LMNA: variants seen among roughly 807,000 people sequenced by gnomAD.
LMNA encodes the protein lamin.
A neutral mutation model predicts 70.4 loss-of-function variants in LMNA; 20 were observed. The observed-to-expected ratio is 0.28, with a 90% CI of 0.20 to 0.41. The LOEUF (loss-of-function observed/expected upper bound fraction) is 0.41. Among genes scored for constraint, LMNA ranks in the 10% least tolerant of loss-of-function variants. The pLI is 1.00. For missense variants in LMNA, 652 were observed against 917.2 expected, an observed-to-expected ratio of 0.71 and a Z score of 3.73; for synonymous variants, 339 against 372.8, an observed-to-expected ratio of 0.91 and a Z score of 1.04.
At chr1:156,122,241 T>C (rs1650238054) in intron 1 of LMNA, among the ~76,000 whole-genome samples, 1 of 152,216 alleles carries the variant, frequency 6.6e-6, no homozygotes, top group South Asian at 2.1e-4. Flanking sequence ...ACTAAATTGC[T>C]GTGTGACCTT....
At chr1:156,086,045 C>A (rs996807329) in intron 2 of LMNA, among the ~76,000 whole-genome samples, 3 of 152,140 alleles carry the variant, frequency 2.0e-5, no homozygotes, top group Non-Finnish European at 4.4e-5. Flanking sequence ...AGGGAGACTC[C>A]GTCTCAAAAA....
At chr1:156,127,509 GTTTTTTTTT>G (rs1170940332) in intron 1 of LMNA, among the ~76,000 whole-genome samples, 15 of 84,492 alleles carry the variant, frequency 1.8e-4, no homozygotes, top group Non-Finnish European at 2.9e-4. Flanking sequence ...CCCCCTTACT[GTTTTTTTTT>G]TTTTTTTTTT....
chr1:156,105,737 A>T (rs1039459395), intron 3 of LMNA, among the ~76,000 whole-genome samples: 1 of 152,202 alleles, frequency 6.6e-6, no homozygotes, highest in African/African-American at 2.4e-5. Context: ...TTGCAAAAAG[A>T]TCATTTTGTA....
intron 3 of LMNA, among the ~76,000 whole-genome samples, chr1:156,104,787 A>G (rs1405633720): frequency 6.6e-6 from 1 of 151,844 alleles, no homozygotes; most frequent in Non-Finnish European, 1.5e-5. Context: ...CCACCTCTAA[A>G]CCTTAGCTCC....
In LMNA at chr1:156,115,723, G is replaced by C. The variant is rs572101143; in HGVS notation, c.356+449G>C. 6.6e-6 allele frequency among the ~76,000 whole-genome samples: 1 copy of C among 152,234 alleles called. No homozygotes were observed. Among genetic ancestry groups the C allele is most frequent in the African/African-American group, 2.4e-5 (1 of 41,462 alleles). ...GCGGGCTTGGCACTGTGCTAGCTTT[G>C]CCCAAGCTGGCTCTGAACACATGAT... On this transcript the variant is annotated intron_variant, in intron 1 of 11. Coordinates refer to ENST00000368300, the MANE Select transcript of LMNA (RefSeq NM_170707.4). The surrounding 1 kb of genome is among the most constrained non-coding windows in gnomAD (Gnocchi z 5.8).
chr1:156,134,375 T>C lies in LMNA; in HGVS notation c.514-28T>C. On this transcript the variant is annotated intron_variant, in intron 2 of 11. Coordinates refer to ENST00000368300, the MANE Select transcript of LMNA (RefSeq NM_170707.4). The surrounding 1 kb of genome is among the most constrained non-coding windows in gnomAD (Gnocchi z 5.3). ...CAGTTCTTGTGTTCTGTGACCCCTT[T>C]TCCTCATCTCTGCCTGCTTCCTCAC... 6.2e-7 allele frequency: 1 copy of C among 1,613,436 alleles called. No homozygotes were observed. The highest frequency in any genetic ancestry group is 8.5e-7 in the Non-Finnish European group (1 of 1,179,746).
At chr1:156,084,451 C>G (rs1015848163) in intron 2 of LMNA, among the ~76,000 whole-genome samples, 14 of 151,524 alleles carry the variant, frequency 9.2e-5, no homozygotes, top group Admixed American at 4.6e-4. Context: ...GAAGTTTGCC[C>G]CCTGGACTGG....
chr1:156,124,049 G>T (rs1650377598), intron 1 of LMNA, among the ~76,000 whole-genome samples: 1 of 152,218 alleles, frequency 6.6e-6, no homozygotes, highest in Non-Finnish European at 1.5e-5. Context: ...GATCTGAGAG[G>T]CCTCAGACCC....
chr1:156,084,769 G>A (rs1306282854), intron 2 of LMNA, among the ~76,000 whole-genome samples: 1 of 152,226 alleles, frequency 6.6e-6, no homozygotes, highest in Non-Finnish European at 1.5e-5. Flanking sequence ...CCAGCTGGCT[G>A]AGCCTTCCTG....
At chr1:156,094,166 A>G (rs1648819096) in intron 3 of LMNA, among the ~76,000 whole-genome samples, 1 of 152,136 alleles carries the variant, frequency 6.6e-6, no homozygotes, top group Non-Finnish European at 1.5e-5. Context: ...ACCTCCTCTC[A>G]GTCACCGCTA....
intron 3 of LMNA, among the ~76,000 whole-genome samples, chr1:156,107,346 G>A (rs1317330855): frequency 1.3e-5 from 2 of 152,184 alleles, no homozygotes; most frequent in African/African-American, 4.8e-5. Flanking sequence ...TCTGTCCAGT[G>A]TGGCTGCCCT....
chr1:156,139,906 G>A lies in LMNA; in HGVS notation c.*800G>A. The A allele has an allele frequency of 7.4e-7, 1 of 1,358,378 alleles. No individual in the cohort carries two copies. Among genetic ancestry groups the A allele is most frequent in the Non-Finnish European group, 9.7e-7 (1 of 1,031,246 alleles). The allele number at this position is 1,358,378 out of a possible 1,614,324, so 84.1% of individuals were successfully genotyped here. On this transcript the variant is annotated 3_prime_UTR_variant, in exon 12 of 12. Transcript: ENST00000368300. ...AAGCCAAGTGGGGTGCTGGGAGGAG[G>A]GAGAGGGAGGTCACTGGAAAGGGGA... is the stretch of plus-strand genomic sequence containing the variant.
intron 3 of LMNA, among the ~76,000 whole-genome samples, chr1:156,104,767 A>G (rs975932712): frequency 6.6e-6 from 1 of 152,270 alleles, no homozygotes; most frequent in African/African-American, 2.4e-5. Flanking sequence ...TCCAACAGGA[A>G]ACACACCTTC....
intron 2 of LMNA, among the ~76,000 whole-genome samples, chr1:156,087,444 T>G (rs1253897458): frequency 6.6e-6 from 1 of 152,084 alleles, no homozygotes; most frequent in African/African-American, 2.4e-5. Flanking sequence ...GGTTTCATCA[T>G]GTTGCCCAGG....
chr1:156,134,884 G>A lies in LMNA; in HGVS notation c.719G>A (p.Arg240Gln), dbSNP rs1651403033. The A allele has an allele frequency of 6.2e-7, 1 of 1,614,192 alleles. No homozygotes were observed. Among genetic ancestry groups the A allele is most frequent in the Non-Finnish European group, 8.5e-7 (1 of 1,180,028 alleles). The change falls in exon 4 of 12, where the codon CGG (arginine) becomes CAG (glutamine). Residue 240 changes from arginine to glutamine, a missense_variant. Physicochemically the swap from Arg to Gln is conservative, Grantham distance 43. Transcript: ENST00000368300. This position sits in a 1 kb window ranked among gnomAD's most constrained non-coding sequence, Gnocchi z 5.3. ...GGGAAGCAGCGTGAGTTTGAGAGCC[G>A]GCTGGCGGATGCGCTGCAGGAACTG... Reference protein sequence around the residue: ...DNGKQREFESRLADALQELRA... With the variant: ...DNGKQREFESQLADALQELRA...
At chr1:156,107,018 C>G (rs1218995319) in intron 3 of LMNA, among the ~76,000 whole-genome samples, 1 of 151,842 alleles carries the variant, frequency 6.6e-6, no homozygotes, top group Non-Finnish European at 1.5e-5. Context: ...AGGCAGAAAC[C>G]TGGGGTTTGG....
At chr1:156,139,039 G>A (rs1223274732) in intron 11 of LMNA, 41 bp from the exon 12 acceptor site, 1 of 1,605,284 alleles carries the variant, frequency 6.2e-7, no homozygotes, top group Non-Finnish European at 8.5e-7. Context: ...CTGGGTCCAG[G>A]CCCTGCTGCT....
Position 156,103,832 on chromosome 1 carries a change from G to A in LMNA, c.-206-10881G>A, listed in dbSNP as rs1352735573. Among the ~76,000 whole-genome samples the A allele has an allele frequency of 6.6e-6, 1 of 152,020 alleles. No homozygotes were observed. Among genetic ancestry groups the A allele is most frequent in the East Asian group, 1.9e-4 (1 of 5,182 alleles). On this transcript the variant is annotated intron_variant, in intron 3 of 12. Coordinates refer to the LMNA transcript ENST00000368301. The surrounding 1 kb of genome is among the most constrained non-coding windows in gnomAD (Gnocchi z 4.7). Reference sequence around the variant, plus strand: ...CGCCCTCCCCTGCCCAAGGACCAGAGTAGGGAGTGGCCCTCTGGACCCCCT... The same window carrying A: ...CGCCCTCCCCTGCCCAAGGACCAGAATAGGGAGTGGCCCTCTGGACCCCCT...
At chr1:156,123,322 C>T (rs529947727) in intron 1 of LMNA, 1 of 152,300 alleles carries the variant, frequency 6.6e-6, no homozygotes, top group East Asian at 1.9e-4. Context: ...CTAACACTGC[C>T]ACCTTCTGCT....
Sources: gnomAD v4.1 joint callset for allele counts (sites outside exome capture counted in the v4.1 genomes callset) on GRCh38, gnomAD v4.1.1 for gene constraint, Gnocchi (gnomAD v3.1) non-coding constraint, MANE v1.5 for transcripts, NCBI Gene and HGNC (gene_info 2026-07-23, HGNC 2026-07-21) for gene names.